The following UCHL3 variants were observed in gnomAD, a reference collection of about 807,000 sequenced individuals.
UCHL3 encodes the protein ubiquitin carboxyl-terminal hydrolase isozyme L3.
UCHL3 carries 22 observed loss-of-function variants against 35.8 expected under a neutral mutation model. That is an observed-to-expected ratio of 0.61 (90% CI 0.44 to 0.88). The LOEUF (loss-of-function observed/expected upper bound fraction) is 0.88. Among genes scored for constraint, UCHL3 ranks in the 40% least tolerant of loss-of-function variants. The pLI is 0.00. For missense variants in UCHL3, 229 were observed against 276.9 expected, an observed-to-expected ratio of 0.83 and a Z score of 1.23; for synonymous variants, 90 against 92.8, an observed-to-expected ratio of 0.97 and a Z score of 0.17.
chr13:75,604,844 T>C lies in UCHL3; in HGVS notation c.609+17T>C. 1 of 1,577,704 alleles carries C rather than the reference T, an allele frequency of 6.3e-7. No homozygotes were observed. Among genetic ancestry groups the C allele is most frequent in the South Asian group, 1.2e-5 (1 of 85,184 alleles). On this transcript the variant is annotated intron_variant, in intron 8 of 8. Transcript: ENST00000377595. ...TTATTAGAGGTAACAGTAACACTTG[T>C]TGGCCCATCTTCATCAATATTTTGT... is the stretch of plus-strand genomic sequence containing the variant.
At chr13:75,596,886 A>C (rs1369230875) in intron 7 of UCHL3, among the ~76,000 whole-genome samples, 2 of 152,204 alleles carry the variant, frequency 1.3e-5, no homozygotes, top group Non-Finnish European at 2.9e-5. Flanking sequence ...GGTTTGAAGT[A>C]AGAACTTCAT....
At chr13:75,576,795 T>C (rs6562912) in intron 6 of UCHL3, among the ~76,000 whole-genome samples, 98,467 of 152,208 alleles carry the variant, frequency 0.65, 32,191 homozygotes, top group Non-Finnish European at 0.69. Context: ...TAGCCCTAAA[T>C]GAAATACGGT....
At chr13:75,591,466 G>A (rs7995945) in intron 6 of UCHL3, among the ~76,000 whole-genome samples, 6,817 of 152,172 alleles carry the variant, frequency 0.045, 496 homozygotes, top group African/African-American at 0.15. Flanking sequence ...ATTCTGACAT[G>A]AGCACAATTG....
At chr13:75,591,756 C>T (rs1225747080) in intron 6 of UCHL3, among the ~76,000 whole-genome samples, 1 of 152,086 alleles carries the variant, frequency 6.6e-6, no homozygotes, top group African/African-American at 2.4e-5. Flanking sequence ...TCAGTTTTCT[C>T]AAGAGTAAGA....
intron 6 of UCHL3, among the ~76,000 whole-genome samples, chr13:75,584,870 C>T (rs972761783): frequency 7.2e-5 from 11 of 151,928 alleles, no homozygotes; most frequent in Non-Finnish European, 1.2e-4. Flanking sequence ...AGAAAAGAAT[C>T]GGTGAATGTG....
intron 6 of UCHL3, among the ~76,000 whole-genome samples, chr13:75,570,291 G>T (rs1225990449): frequency 6.6e-6 from 1 of 151,950 alleles, no homozygotes; most frequent in Admixed American, 6.5e-5. Flanking sequence ...AGGCTGGAGT[G>T]CAGTGGCTGA....
chr13:75,601,306 G>A (rs2032776433), intron 7 of UCHL3, among the ~76,000 whole-genome samples: 1 of 152,200 alleles, frequency 6.6e-6, no homozygotes, highest in South Asian at 2.1e-4. Context: ...TTTGGAAGAA[G>A]TTCTCCTGTG....
Position 75,591,510 on chromosome 13 carries a change from T to C in UCHL3, c.475-3405T>C, listed in dbSNP as rs186424815. Among the ~76,000 whole-genome samples, 841 of 152,332 alleles carry C rather than the reference T, an allele frequency of 5.5e-3. 7 individuals carry two copies. Among genetic ancestry groups the C allele is most frequent in the African/African-American group, 0.018 (751 of 41,590 alleles). ...CTAATGTGAATTATTTCTTTTCTAC[T>C]TAAAAATGTTCCAAATATAAATGAA... On this transcript the variant is annotated intron_variant, in intron 6 of 8. Transcript: ENST00000377595.
intron 3 of UCHL3, among the ~76,000 whole-genome samples, chr13:75,564,318 T>G (rs4885315): frequency 6.6e-6 from 1 of 151,820 alleles, no homozygotes; most frequent in East Asian, 1.9e-4. Flanking sequence ...GCCCGGCTTA[T>G]TTTTTGTATT....
intron 7 of UCHL3, among the ~76,000 whole-genome samples, chr13:75,598,029 T>C (rs1382532500): frequency 6.6e-6 from 1 of 152,148 alleles, no homozygotes; most frequent in Non-Finnish European, 1.5e-5. Flanking sequence ...GAGTAGAGCA[T>C]TGGGATTTAG....
chr13:75,568,590 A>T (rs1236774103), intron 5 of UCHL3, among the ~76,000 whole-genome samples: 1 of 151,884 alleles, frequency 6.6e-6, no homozygotes, highest in Non-Finnish European at 1.5e-5. Flanking sequence ...TATATATTTG[A>T]TATTATTTAA....
At chr13:75,593,995 A>G (rs977510842) in intron 6 of UCHL3, among the ~76,000 whole-genome samples, 3 of 152,188 alleles carry the variant, frequency 2.0e-5, no homozygotes, top group Non-Finnish European at 4.4e-5. Context: ...TTCCTTTAAA[A>G]TTTGTGCTCT....
At chr13:75,583,734 A>G (rs967452347) in intron 6 of UCHL3, among the ~76,000 whole-genome samples, 9 of 152,234 alleles carry the variant, frequency 5.9e-5, no homozygotes, top group Admixed American at 5.2e-4. Context: ...ATGTCTATTT[A>G]AGGAATAATA....
intron 7 of UCHL3, among the ~76,000 whole-genome samples, chr13:75,597,675 A>T (rs2032678953): frequency 6.6e-6 from 1 of 152,214 alleles, no homozygotes; most frequent in African/African-American, 2.4e-5. Flanking sequence ...GGGCTTGAAC[A>T]TCTCAAAATT....
At chr13:75,551,022 A>C (rs1200234508) in intron 2 of UCHL3, among the ~76,000 whole-genome samples, 2 of 152,078 alleles carry the variant, frequency 1.3e-5, no homozygotes, top group African/African-American at 4.8e-5. Flanking sequence ...TTTTCCCCCT[A>C]GTTTGCTGAG....
chr13:75,577,775 G>T (rs2032067497), intron 6 of UCHL3, among the ~76,000 whole-genome samples: 2 of 152,130 alleles, frequency 1.3e-5, no homozygotes, highest in African/African-American at 4.8e-5. Context: ...GTGAAGCCAA[G>T]AAAGAAAAAT....
rs537447530 is a variant in UCHL3 at position 75,572,534 on chromosome 13, C to A, written c.474+3027C>A. 2.6e-5 allele frequency among the ~76,000 whole-genome samples: 4 copies of A among 152,258 alleles called. No individual in the cohort carries two copies. In the South Asian group the frequency reaches 8.3e-4, roughly 32 times the overall value. ...TATCTCCCTTTCTGTGGCTCTTAGG[C>A]CTAGCATTGGCATCTGATTCATTTG... On this transcript the variant is annotated intron_variant, in intron 6 of 8. Coordinates refer to ENST00000377595, the MANE Select transcript of UCHL3 (RefSeq NM_006002.5).
chr13:75,601,555 G>C (rs2032781525), intron 7 of UCHL3, among the ~76,000 whole-genome samples: 1 of 152,176 alleles, frequency 6.6e-6, no homozygotes, highest in South Asian at 2.1e-4. Context: ...TAGGAATAAA[G>C]TGTTTTTTAA....
chr13:75,580,536 T>G (rs546771855), intron 6 of UCHL3, among the ~76,000 whole-genome samples: 1 of 152,340 alleles, frequency 6.6e-6, no homozygotes, highest in East Asian at 1.9e-4. Flanking sequence ...TATTTTAGAC[T>G]CAGCGGTCTT....
Sources: allele counts gnomAD v4.1 joint callset (sites outside exome capture counted in the v4.1 genomes callset), GRCh38; gene constraint gnomAD v4.1.1; transcripts MANE v1.5; gene names NCBI Gene and HGNC (gene_info 2026-07-23, HGNC 2026-07-21).